The following CTXND1 variants were observed in gnomAD, a reference collection of about 807,000 sequenced individuals.
CTXND1 encodes the protein cortexin domain-containing 1 protein.
At chr15:80,228,691 G>T (rs1470980933) in intron 1 of CTXND1, among the ~76,000 whole-genome samples, 1 of 150,004 alleles carries the variant, frequency 6.7e-6, no homozygotes, top group Non-Finnish European at 1.5e-5. Flanking sequence ...GTGCAGTGGT[G>T]CGATCTTGGC....
intron 1 of CTXND1, among the ~76,000 whole-genome samples, chr15:80,243,604 G>A (rs991131646): frequency 6.6e-6 from 1 of 152,250 alleles, no homozygotes; most frequent in Admixed American, 6.5e-5. Context: ...ATTTACCATC[G>A]TCATTTTCCC....
At chr15:80,243,283 G>C (rs1383737654) in intron 1 of CTXND1, among the ~76,000 whole-genome samples, 1 of 152,220 alleles carries the variant, frequency 6.6e-6, no homozygotes, top group East Asian at 1.9e-4. Context: ...TACCAAGCCT[G>C]GGGTATGGTG....
chr15:80,205,680 C>T (rs926377049), intron 1 of CTXND1, among the ~76,000 whole-genome samples: 3 of 152,158 alleles, frequency 2.0e-5, no homozygotes, highest in East Asian at 1.9e-4. Context: ...CCAGACCCCT[C>T]GTTCATCTTT....
intron 1 of CTXND1, among the ~76,000 whole-genome samples, chr15:80,234,037 G>A (rs1018023595): frequency 4.6e-5 from 7 of 152,312 alleles, no homozygotes; most frequent in African/African-American, 1.7e-4. Flanking sequence ...AGCCTGCGGT[G>A]GAGAAGCTAA....
chr15:80,208,878 G>C (rs1862394163), intron 1 of CTXND1, among the ~76,000 whole-genome samples: 1 of 152,168 alleles, frequency 6.6e-6, no homozygotes, highest in African/African-American at 2.4e-5. Context: ...CCTGTGCCCT[G>C]GGCCCTGCAG....
At chr15:80,206,449 T>G (rs1252771133) in intron 1 of CTXND1, among the ~76,000 whole-genome samples, 2 of 152,172 alleles carry the variant, frequency 1.3e-5, no homozygotes, top group African/African-American at 4.8e-5. Context: ...TCTATTTTTC[T>G]ATTGGTTTTT....
At chr15:80,212,439 C>T (rs531819603) in intron 1 of CTXND1, among the ~76,000 whole-genome samples, 1 of 152,228 alleles carries the variant, frequency 6.6e-6, no homozygotes, top group Non-Finnish European at 1.5e-5. Flanking sequence ...TTAAATCAGA[C>T]CTAGTCCTTA....
chr15:80,197,941 T>C lies in CTXND1; in HGVS notation c.*3829A>G, dbSNP rs1010055630. On this transcript the variant is annotated 3_prime_UTR_variant, in exon 3 of 3. Coordinates refer to ENST00000560778, the MANE Select transcript of CTXND1 (RefSeq NM_001352888.2). ...AACATGTAGACATTTCAGCAACTAATTGGAAAAAAATGAAATAGCTATGAT... is the reference window on the plus strand; with the variant it reads ...AACATGTAGACATTTCAGCAACTAACTGGAAAAAAATGAAATAGCTATGAT... The C allele has an allele frequency of 6.6e-6, 1 of 152,162 alleles. No individual in the cohort carries two copies. The highest frequency in any genetic ancestry group is 1.5e-5 in the Non-Finnish European group (1 of 68,030). The allele number at this position is 152,162 out of a possible 1,614,324, so 9.4% of individuals were successfully genotyped here.
At chr15:80,207,791 T>C (rs1893165953) in intron 1 of CTXND1, among the ~76,000 whole-genome samples, 1 of 152,246 alleles carries the variant, frequency 6.6e-6, no homozygotes, top group African/African-American at 2.4e-5. Context: ...AACAAGGCTG[T>C]GTCTATCTTT....
chr15:80,212,229 C>T (rs1200449540), intron 1 of CTXND1, among the ~76,000 whole-genome samples: 1 of 152,204 alleles, frequency 6.6e-6, no homozygotes, highest in Non-Finnish European at 1.5e-5. Context: ...TTCCTCCAGT[C>T]CCGTGTCAGT....
chr15:80,219,722 G>C (rs1239778558), intron 1 of CTXND1, among the ~76,000 whole-genome samples: 2 of 152,158 alleles, frequency 1.3e-5, no homozygotes, highest in African/African-American at 4.8e-5. Context: ...TGCCATCATG[G>C]GGTGTGTGAA....
chr15:80,251,900 G>T (rs1026697992), intron 1 of CTXND1, 107 bp downstream of exon 1: 5 of 152,088 alleles, frequency 3.3e-5, no homozygotes, highest in African/African-American at 1.2e-4. Flanking sequence ...CAGATCCTCC[G>T]CCTGCGGCCG....
intron 1 of CTXND1, among the ~76,000 whole-genome samples, chr15:80,204,158 AAAAAAAAAAAAATATATAT>A (rs1321137725): frequency 2.8e-5 from 1 of 35,870 alleles, no homozygotes; most frequent in East Asian, 1.1e-3. Context: ...AAAAAAAAAA[AAAAAAAAAAAAATATATAT>A]ATATATATAT....
intron 1 of CTXND1, among the ~76,000 whole-genome samples, chr15:80,240,246 T>A (rs1264660170): frequency 3.3e-5 from 5 of 152,194 alleles, no homozygotes. Context: ...ATTACAGGCA[T>A]CAGCCACCAC....
intron 1 of CTXND1, among the ~76,000 whole-genome samples, chr15:80,214,210 A>C (rs1893229709): frequency 6.6e-6 from 1 of 152,174 alleles, no homozygotes; most frequent in South Asian, 2.1e-4. Context: ...AATGTCAATA[A>C]ATATTATTTT....
Position 80,199,998 on chromosome 15 carries a change from T to G in CTXND1, c.*1772A>C, listed in dbSNP as rs1180394935. ...TGCTCTCATTTAACTTCGTACCATGTTATGGGAAAACTGATGACAAAGGCA... is the reference window on the plus strand; with the variant it reads ...TGCTCTCATTTAACTTCGTACCATGGTATGGGAAAACTGATGACAAAGGCA... On this transcript the variant is annotated 3_prime_UTR_variant, in exon 3 of 3. Coordinates refer to ENST00000560778, the MANE Select transcript of CTXND1 (RefSeq NM_001352888.2). The G allele has an allele frequency of 6.6e-6, 1 of 152,216 alleles. No homozygotes were observed. Among genetic ancestry groups the G allele is most frequent in the Non-Finnish European group, 1.5e-5 (1 of 68,082 alleles). 9.4% of individuals were successfully genotyped at this position (152,216 alleles called of 1,614,324 possible).
At chr15:80,216,905 G>A (rs888288992) in intron 1 of CTXND1, among the ~76,000 whole-genome samples, 3 of 152,128 alleles carry the variant, frequency 2.0e-5, no homozygotes, top group Admixed American at 6.6e-5. Flanking sequence ...GTGAGCCACC[G>A]TGCCTGGCCC....
intron 1 of CTXND1, among the ~76,000 whole-genome samples, chr15:80,206,381 A>C (rs1370583498): frequency 6.6e-6 from 1 of 152,184 alleles, no homozygotes; most frequent in Non-Finnish European, 1.5e-5. Context: ...GCATCTTTGC[A>C]TGTGTTTAAG....
At chr15:80,239,924 T>C (rs370046202) in intron 1 of CTXND1, among the ~76,000 whole-genome samples, 2 of 152,236 alleles carry the variant, frequency 1.3e-5, no homozygotes, top group Non-Finnish European at 2.9e-5. Context: ...ATCCCAAATA[T>C]TCACTTTTGT....
Sources: allele counts gnomAD v4.1 joint callset (sites outside exome capture counted in the v4.1 genomes callset), GRCh38; gene constraint gnomAD v4.1.1; transcripts MANE v1.5; gene names NCBI Gene and HGNC (gene_info 2026-07-23, HGNC 2026-07-21).